The following THSD4 variants were observed in gnomAD, a reference collection of about 807,000 sequenced individuals.
THSD4 encodes thrombospondin type 1 domain containing 4.
In THSD4, 69 loss-of-function variants were observed where a neutral mutation model predicts 119.0. The observed-to-expected ratio is 0.58, with a 90% CI of 0.48 to 0.71. THSD4 has a LOEUF of 0.71. Ranked by LOEUF, THSD4 falls within the 30% of genes least tolerant of loss-of-function variation. The probability of loss-of-function intolerance (pLI) is 0.00; values close to 1 mark genes in which losing one functional copy is unlikely to be tolerated. For synonymous variants in THSD4, 524 were observed against 540.4 expected, an observed-to-expected ratio of 0.97 and a Z score of 0.42; for missense variants, 1,393 against 1,391.1, an observed-to-expected ratio of 1.00 and a Z score of -0.02.
chr15:71,440,382 A>T (rs890663643), intron 7 of THSD4, among the ~76,000 whole-genome samples: 4 of 152,206 alleles, frequency 2.6e-5, no homozygotes, highest in Non-Finnish European at 5.9e-5. Flanking sequence ...TCACACATAC[A>T]ATATGAAATT....
intron 6 of THSD4, among the ~76,000 whole-genome samples, chr15:71,322,963 AAC>A (rs758487730): frequency 1.3e-5 from 2 of 151,766 alleles, no homozygotes; most frequent in African/African-American, 2.4e-5. Context: ...TGGGTGTGGT[AAC>A]ACACACCTGT....
chr15:71,112,322 T>G, upstream of THSD4: 60 of 1,139,290 alleles, frequency 5.3e-5, no homozygotes, highest in Non-Finnish European at 6.5e-5. Flanking sequence ...AGGGGGGTAC[T>G]ATTAATAATT....
At chr15:71,217,484 G>A (rs1426346493) in intron 4 of THSD4, among the ~76,000 whole-genome samples, 6 of 151,974 alleles carry the variant, frequency 3.9e-5, no homozygotes, top group Admixed American at 6.5e-5. Flanking sequence ...TTAGCCAGAC[G>A]TGGTGGCGGG....
chr15:71,638,986 C>T (rs1459412396), intron 7 of THSD4, among the ~76,000 whole-genome samples: 2 of 152,138 alleles, frequency 1.3e-5, no homozygotes, highest in Non-Finnish European at 2.9e-5. Flanking sequence ...GCAGTCATGT[C>T]CCCCAACAGC....
intron 17 of THSD4, among the ~76,000 whole-genome samples, chr15:71,771,900 AG>A (rs1458957826): frequency 2.0e-5 from 3 of 152,180 alleles, no homozygotes; most frequent in Non-Finnish European, 4.4e-5. Context: ...CCATCCCAGC[AG>A]GGGAGCTCAA....
At chr15:71,276,749 G>T (rs1001993979) in intron 6 of THSD4, among the ~76,000 whole-genome samples, 1 of 152,148 alleles carries the variant, frequency 6.6e-6, no homozygotes. Context: ...TTCTTTAATG[G>T]CAGGGAATGA....
intron 7 of THSD4, among the ~76,000 whole-genome samples, chr15:71,637,613 C>T (rs116363869): frequency 0.03 from 4,541 of 152,150 alleles, 224 homozygotes; most frequent in African/African-American, 0.1. Flanking sequence ...GGAAGTGGGA[C>T]CAGCACTGTG....
chr15:71,606,527 G>GTTTATTTATTTA (rs60265226), intron 7 of THSD4, among the ~76,000 whole-genome samples: 55 of 150,842 alleles, frequency 3.6e-4, no homozygotes, highest in Admixed American at 1.7e-3. Context: ...AATGGCAATT[G>GTTTATTTATTTA]TTTATTTATT....
At position 71,389,796 on chromosome 15, in the gene THSD4, C is replaced by G. The variant is rs541449244; in HGVS notation, c.1016-21891C>G. 1.3e-3 allele frequency among the ~76,000 whole-genome samples: 129 copies of G among 102,954 alleles called. 1 individual carries two copies. The highest frequency in any genetic ancestry group is 4.0e-3 in the African/African-American group (123 of 30,918). The allele number at this position is 102,954 out of a possible 152,430, so 67.5% of individuals were successfully genotyped here. On this transcript the variant is annotated intron_variant, in intron 6 of 17. Coordinates refer to ENST00000261862, the MANE Select transcript of THSD4 (RefSeq NM_024817.3). The stretch of plus-strand genomic sequence containing the variant: ...TTATCCACATCCTTGCCAACACTTG[C>G]TATTTTCTGGGTTGTTTTTTTTTTT...
intron 6 of THSD4, among the ~76,000 whole-genome samples, chr15:71,316,955 C>T (rs1232924745): frequency 1.3e-5 from 2 of 152,146 alleles, no homozygotes; most frequent in Admixed American, 6.6e-5. Flanking sequence ...ATGGGAACTG[C>T]CTTTCAAGGT....
intron 7 of THSD4, among the ~76,000 whole-genome samples, chr15:71,649,591 T>C (rs2051042714): frequency 6.6e-6 from 1 of 152,228 alleles, no homozygotes; most frequent in South Asian, 2.1e-4. Context: ...CTTCTTTTGC[T>C]ATGCAGAAGC....
At chr15:71,117,874 C>T (rs1230805839) in intron 1 of THSD4, among the ~76,000 whole-genome samples, 7 of 152,154 alleles carry the variant, frequency 4.6e-5, no homozygotes, top group African/African-American at 7.2e-5. Context: ...CTGGAGCTTA[C>T]GCTATGAACA....
At chr15:71,623,395 G>C (rs1373802750) in intron 7 of THSD4, among the ~76,000 whole-genome samples, 2 of 152,172 alleles carry the variant, frequency 1.3e-5, no homozygotes, top group Non-Finnish European at 2.9e-5. Flanking sequence ...TCTTACAGAA[G>C]AGAAAACTGA....
chr15:71,356,426 C>A (rs1174210395), intron 6 of THSD4, among the ~76,000 whole-genome samples: 1 of 152,176 alleles, frequency 6.6e-6, no homozygotes, highest in African/African-American at 2.4e-5. Context: ...TGTCTTCAGC[C>A]TCAGTGGAAT....
rs140318736 is a variant in THSD4 at position 71,282,572 on chromosome 15, C to T, written c.1015+25857C>T. On this transcript the variant is annotated intron_variant, in intron 6 of 17. Coordinates refer to ENST00000261862, the MANE Select transcript of THSD4 (RefSeq NM_024817.3). ...GCTAAGCTCTGCTCCTTGACTTTGA[C>T]GGTCCACATAGGCCAACACCCACAG... is the stretch of plus-strand genomic sequence containing the variant. Among the ~76,000 whole-genome samples, 23 of 152,270 alleles carry T rather than the reference C, an allele frequency of 1.5e-4. No individual in the cohort carries two copies. The East Asian group carries it at 3.1e-3, about 20-fold the overall frequency.
In THSD4 at chr15:71,253,412, C is replaced by CT. The variant is rs59312325; in HGVS notation, c.913-3189dup. The stretch of plus-strand genomic sequence containing the variant: ...AGGGCTCTATACTTATACATTGTCA[C>CT]TTTTTTTTTTTTGGAGACAGAGTCT... On this transcript the variant is annotated intron_variant, in intron 5 of 17. Coordinates refer to ENST00000261862, the MANE Select transcript of THSD4 (RefSeq NM_024817.3). Among the ~76,000 whole-genome samples, 302 of 145,450 alleles carry CT rather than the reference C, an allele frequency of 2.1e-3. 11 individuals are homozygous for CT. In the South Asian group the frequency reaches 0.048, roughly 23 times the overall value.
intron 7 of THSD4, among the ~76,000 whole-genome samples, chr15:71,437,835 A>G (rs2047034560): frequency 1.3e-5 from 2 of 152,224 alleles, no homozygotes; most frequent in South Asian, 2.1e-4. Context: ...TCAGCAATGT[A>G]TGAGAGTGGT....
At chr15:71,164,576 AAAAT>A (rs1185393917) in intron 3 of THSD4, among the ~76,000 whole-genome samples, 2 of 152,162 alleles carry the variant, frequency 1.3e-5, no homozygotes, top group African/African-American at 4.8e-5. Context: ...GTGGCTATTG[AAAAT>A]ACCACCAGGA....
intron 3 of THSD4, among the ~76,000 whole-genome samples, chr15:71,197,346 A>G (rs963463482): frequency 1.3e-5 from 2 of 152,196 alleles, no homozygotes; most frequent in Non-Finnish European, 2.9e-5. Context: ...CTTCCTTGGA[A>G]GTGGCCATCT....
Sources: gnomAD v4.1 joint callset for allele counts (sites outside exome capture counted in the v4.1 genomes callset) on GRCh38, gnomAD v4.1.1 for gene constraint, MANE v1.5 for transcripts, NCBI Gene and HGNC (gene_info 2026-07-23, HGNC 2026-07-21) for gene names.